Variants in CLVS2 observed in about 807,000 individuals in gnomAD.
CLVS2 encodes the protein clavesin 2.
In CLVS2, 19 loss-of-function variants were observed where a neutral mutation model predicts 29.0. The ratio of observed to expected loss-of-function variants is 0.66; its 90% CI spans 0.46 to 0.96. The LOEUF is 0.96. Ranked by LOEUF, CLVS2 falls within the 40% of genes least tolerant of loss-of-function variation. CLVS2 has a pLI of 0.00. For missense variants in CLVS2, 294 were observed against 404.1 expected, an observed-to-expected ratio of 0.73 and a Z score of 2.34; for synonymous variants, 161 against 151.3, an observed-to-expected ratio of 1.06 and a Z score of -0.47.
chr6:123,035,381 G>T (rs1382783815), intron 3 of CLVS2, among the ~76,000 whole-genome samples: 1 of 151,556 alleles, frequency 6.6e-6, no homozygotes, highest in Non-Finnish European at 1.5e-5. Flanking sequence ...GGAAACAGAT[G>T]GTAGAAAAAA....
chr6:123,034,504 A>G (rs2114337899), intron 3 of CLVS2, among the ~76,000 whole-genome samples: 2 of 152,292 alleles, frequency 1.3e-5, no homozygotes, highest in Middle Eastern at 6.8e-3. Flanking sequence ...AAAATTCTCA[A>G]CAAAATCCAT....
chr6:123,001,832 T>G (rs1237418052), intron 2 of CLVS2, among the ~76,000 whole-genome samples: 2 of 152,204 alleles, frequency 1.3e-5, no homozygotes, highest in Non-Finnish European at 2.9e-5. Flanking sequence ...TCCTAGAGCA[T>G]GCAAGCATGT....
intron 2 of CLVS2, among the ~76,000 whole-genome samples, chr6:123,003,912 G>A (rs547765583): frequency 1.4e-4 from 22 of 152,198 alleles, no homozygotes; most frequent in Admixed American, 1.3e-3. Context: ...TAGCAATTAA[G>A]TACTTCACTC....
chr6:123,021,063 A>T (rs1774913900), intron 3 of CLVS2, among the ~76,000 whole-genome samples: 1 of 151,728 alleles, frequency 6.6e-6, no homozygotes, highest in African/African-American at 2.4e-5. Context: ...GGGGGGGTAA[A>T]ATTGCAGAAT....
chr6:123,001,008 A>G (rs1171104067), intron 2 of CLVS2, among the ~76,000 whole-genome samples: 5 of 152,242 alleles, frequency 3.3e-5, no homozygotes, highest in South Asian at 2.1e-4. Flanking sequence ...AAGACCCCCA[A>G]TAGAATTGAT....
chr6:123,029,356 G>A (rs1775049443), intron 3 of CLVS2, among the ~76,000 whole-genome samples: 1 of 152,156 alleles, frequency 6.6e-6, no homozygotes, highest in African/African-American at 2.4e-5. Flanking sequence ...GAAAGGAAAA[G>A]GAAGTAAAAA....
chr6:123,011,895 A>G (rs1450462168), intron 3 of CLVS2, among the ~76,000 whole-genome samples: 1 of 152,106 alleles, frequency 6.6e-6, no homozygotes, highest in East Asian at 1.9e-4. Context: ...AAATATTTAC[A>G]AGTTAGTCCT....
At chr6:123,021,185 A>G (rs993520746) in intron 3 of CLVS2, among the ~76,000 whole-genome samples, 2 of 151,974 alleles carry the variant, frequency 1.3e-5, no homozygotes, top group Non-Finnish European at 2.9e-5. Context: ...TGAAATTATT[A>G]CCTTATAGTT....
At chr6:123,036,405 T>C (rs1775154662) in intron 3 of CLVS2, among the ~76,000 whole-genome samples, 1 of 152,160 alleles carries the variant, frequency 6.6e-6, no homozygotes, top group Non-Finnish European at 1.5e-5. Flanking sequence ...TTCTGTAAGA[T>C]TTTTTGTAAT....
intron 2 of CLVS2, among the ~76,000 whole-genome samples, chr6:123,004,618 A>G (rs1430533408): frequency 6.6e-6 from 1 of 152,186 alleles, no homozygotes; most frequent in Non-Finnish European, 1.5e-5. Context: ...TGCTACCATG[A>G]AAAAGCAGAC....
chr6:123,037,228 T>C (rs1186999641), intron 3 of CLVS2, among the ~76,000 whole-genome samples: 2 of 152,118 alleles, frequency 1.3e-5, no homozygotes, highest in East Asian at 3.9e-4. Context: ...GTCTCTCAAC[T>C]AACCCAGATT....
At chr6:123,063,041 C>A (rs1307698997) in intron 5 of CLVS2, among the ~76,000 whole-genome samples, 3 of 152,130 alleles carry the variant, frequency 2.0e-5, no homozygotes, top group African/African-American at 7.2e-5. Flanking sequence ...ACTGTTGCTG[C>A]CTAAACAAGA....
In CLVS2 at chr6:123,066,134, A is replaced by G. The variant is rs1158144455; in HGVS notation, c.*2373A>G. The G allele has an allele frequency of 6.6e-6, 1 of 151,768 alleles. No individual in the cohort carries two copies. Among genetic ancestry groups the G allele is most frequent in the African/African-American group, 2.4e-5 (1 of 41,418 alleles). The allele number at this position is 151,768 out of a possible 1,614,324, so 9.4% of individuals were successfully genotyped here. ...CATTCTGTGAATAAACTCATTTTCT[A>G]GTAATGTTTGTGAACCTTAGTCAAG... On this transcript the variant is annotated 3_prime_UTR_variant, in exon 6 of 6. Transcript: ENST00000275162.
Position 123,010,981 on chromosome 6 carries a change from A to AT in CLVS2, c.390-3dup, listed in dbSNP as rs781130103. On this transcript the variant is annotated splice_region_variant and splice_polypyrimidine_tract_variant and intron_variant, in intron 2 of 5. Transcript: ENST00000275162. ...CTAATTTAGTACTTTTCTGTCGCCG[A>AT]TAGGTACACACTGGTGGATATTTTG... 1.2e-5 allele frequency: 18 copies of AT among 1,478,774 alleles called. No homozygotes were observed. Among genetic ancestry groups the AT allele is most frequent in the Non-Finnish European group, 1.6e-5 (18 of 1,104,746 alleles). 91.6% of individuals were successfully genotyped at this position (1,478,774 alleles called of 1,614,324 possible).
chr6:123,012,962 T>A (rs1774772583), intron 3 of CLVS2, among the ~76,000 whole-genome samples: 1 of 152,044 alleles, frequency 6.6e-6, no homozygotes, highest in African/African-American at 2.4e-5. Context: ...TAAGTTCAAA[T>A]TGACTTTTTA....
At chr6:123,011,925 G>A (rs1774753711) in intron 3 of CLVS2, among the ~76,000 whole-genome samples, 1 of 151,934 alleles carries the variant, frequency 6.6e-6, no homozygotes, top group Admixed American at 6.6e-5. Flanking sequence ...TAATTCATTA[G>A]ACTGGGGCAT....
chr6:123,024,517 T>A (rs887176203), intron 3 of CLVS2, among the ~76,000 whole-genome samples: 1 of 152,062 alleles, frequency 6.6e-6, no homozygotes, highest in African/African-American at 2.4e-5. Flanking sequence ...TGCCATTGGC[T>A]CTGGGTGGAC....
chr6:123,021,832 G>T (rs1407299336), intron 3 of CLVS2, among the ~76,000 whole-genome samples: 3 of 152,062 alleles, frequency 2.0e-5, no homozygotes, highest in African/African-American at 7.2e-5. Context: ...GCTGGTATGG[G>T]TGAGGATGAG....
intron 3 of CLVS2, among the ~76,000 whole-genome samples, chr6:123,011,802 C>A (rs1206380392): frequency 6.6e-6 from 1 of 152,004 alleles, no homozygotes; most frequent in Non-Finnish European, 1.5e-5. Flanking sequence ...TTGCTTTTAA[C>A]TTCCAGGGTG....
Sources: allele counts gnomAD v4.1 joint callset (sites outside exome capture counted in the v4.1 genomes callset), GRCh38; gene constraint gnomAD v4.1.1; transcripts MANE v1.5; gene names NCBI Gene and HGNC (gene_info 2026-07-23, HGNC 2026-07-21).